ZNF383: variants seen among roughly 807,000 people sequenced by gnomAD.
ZNF383 encodes zinc finger protein 383.
Under a neutral mutation model 44.2 loss-of-function variants are expected in ZNF383, and 32 were observed. The observed-to-expected ratio is 0.72, with a 90% CI of 0.55 to 0.97. The LOEUF (loss-of-function observed/expected upper bound fraction) is 0.97, where lower values mean the gene tolerates loss of function less well. Ranked by LOEUF, ZNF383 falls within the 50% of genes least tolerant of loss-of-function variation. The pLI, the probability that ZNF383 is intolerant of heterozygous loss-of-function variation, is 0.00. For synonymous variants in ZNF383, 155 were observed against 186.2 expected, an observed-to-expected ratio of 0.83 and a Z score of 1.36; for missense variants, 487 against 562.5, an observed-to-expected ratio of 0.87 and a Z score of 1.36.
chr19:37,235,668 T>G lies in ZNF383; in HGVS notation c.129T>G (p.Val43=). The change falls in exon 4 of 6, where the codon GTT becomes GTG. Residue 43 remains valine, a synonymous_variant. Coordinates refer to ENST00000684119, the MANE Select transcript of ZNF383 (RefSeq NM_001387601.1). ...TGTTGGAGAACTACGGCAATCTGGT[T>G]TCAATGGGTAAGGGCATCTGTACCA... ...DVMLENYGNL[V]SMGLYTPKPQ... is the part of the protein sequence containing the mutation. The G allele has an allele frequency of 2.5e-6, 4 of 1,609,484 alleles. No individual in the cohort carries two copies. Among genetic ancestry groups the G allele is most frequent in the Non-Finnish European group, 3.4e-6 (4 of 1,177,758 alleles).
At chr19:37,234,556 AT>A (rs1174611396) in intron 3 of ZNF383, among the ~76,000 whole-genome samples, 2 of 151,716 alleles carry the variant, frequency 1.3e-5, no homozygotes, top group Admixed American at 6.6e-5. Flanking sequence ...CGCCTGGCTA[AT>A]TTTTTTGTAT....
At chr19:37,232,625 T>C (rs374093931) in intron 3 of ZNF383, among the ~76,000 whole-genome samples, 153 of 152,366 alleles carry the variant, frequency 1.0e-3, no homozygotes, top group African/African-American at 3.3e-3. Flanking sequence ...CTTTTAATTC[T>C]GTCATTCTTC....
In ZNF383 at chr19:37,233,303, T is replaced by G. The variant is rs185678424; in HGVS notation, c.10-2246T>G. Among the ~76,000 whole-genome samples the G allele has an allele frequency of 3.3e-4, 49 of 149,520 alleles. No individual in the cohort carries two copies. In the East Asian group the frequency reaches 8.2e-3, roughly 25 times the overall value. ...GTGCCACCACGCCCAGCTAATTTTT[T>G]TGTATTTTTAGTAGAGACAGGGTTT... On this transcript the variant is annotated intron_variant, in intron 3 of 5. Coordinates refer to ENST00000684119, the MANE Select transcript of ZNF383 (RefSeq NM_001387601.1).
In ZNF383 at chr19:37,235,993, A is replaced by C; in HGVS notation, c.151A>C (p.Lys51Gln). 1 of 1,613,494 alleles carries C rather than the reference A, an allele frequency of 6.2e-7. No individual in the cohort carries two copies. Among genetic ancestry groups the C allele is most frequent in the Non-Finnish European group, 8.5e-7 (1 of 1,179,762 alleles). The change falls in exon 5 of 6, where the codon AAG becomes CAG. Residue 51 changes from lysine to glutamine, a missense_variant. Lys to Gln is a moderately conservative substitution (Grantham distance 53). Coordinates refer to ENST00000684119, the MANE Select transcript of ZNF383 (RefSeq NM_001387601.1). ...NLVSMGLYTP[K>Q]PQVISLLEQG... Reference sequence around the variant, plus strand: ...CTCGTGAGCAGGACTTTACACTCCTAAGCCTCAAGTGATCTCCTTATTGGA... The same window carrying C: ...CTCGTGAGCAGGACTTTACACTCCTCAGCCTCAAGTGATCTCCTTATTGGA...
intron 3 of ZNF383, among the ~76,000 whole-genome samples, chr19:37,233,400 G>GAAATTTTTC (rs2063496335): frequency 6.7e-6 from 1 of 148,684 alleles, no homozygotes; most frequent in Non-Finnish European, 1.5e-5. Flanking sequence ...CAAAGTTCTG[G>GAAATTTTTC]GATTACAGGC....
intron 3 of ZNF383, among the ~76,000 whole-genome samples, chr19:37,232,114 C>T (rs1298360666): frequency 6.7e-6 from 1 of 149,460 alleles, no homozygotes; most frequent in African/African-American, 2.5e-5. Flanking sequence ...CTCACTCTGT[C>T]GCCTAGGCTA....
chr19:37,244,999 A>G lies in ZNF383; in HGVS notation c.*1335A>G, dbSNP rs1974307444. The G allele has an allele frequency of 6.6e-6, 1 of 152,184 alleles. No homozygotes were observed. Among genetic ancestry groups the G allele is most frequent in the Admixed American group, 6.5e-5 (1 of 15,270 alleles). The allele number at this position is 152,184 out of a possible 1,614,324, so 9.4% of individuals were successfully genotyped here. ...TTGCCACTAAATTTTTGCAGCTATA[A>G]AAGCTGACCTCGGCTGGGCACAGTG... On this transcript the variant is annotated 3_prime_UTR_variant, in exon 6 of 6. Coordinates refer to ENST00000684119, the MANE Select transcript of ZNF383 (RefSeq NM_001387601.1).
chr19:37,233,517 C>G (rs1266575876), intron 3 of ZNF383, among the ~76,000 whole-genome samples: 1 of 151,858 alleles, frequency 6.6e-6, no homozygotes, highest in Non-Finnish European at 1.5e-5. Flanking sequence ...GCAACCTCCG[C>G]CTCCCAGGTT....
At position 37,242,826 on chromosome 19, in the gene ZNF383, C is replaced by A. The variant is rs748556727; in HGVS notation, c.590C>A (p.Ser197Tyr). The A allele has an allele frequency of 6.8e-6, 11 of 1,614,106 alleles. No individual in the cohort carries two copies. Among genetic ancestry groups the A allele is most frequent in the Non-Finnish European group, 1.7e-6 (2 of 1,179,992 alleles). The part of the protein sequence containing the change: ...QHQRIHIGEK[S>Y]YECKECGKFF... ...CAGAGAATTCATATTGGTGAAAAAT[C>A]TTATGAATGTAAAGAGTGTGGGAAA... The change falls in exon 6 of 6, where the codon TCT becomes TAT. Residue 197 changes from serine (S) to tyrosine (Y), a missense_variant. By Grantham distance (144) the Ser-to-Tyr change is moderately radical. Coordinates refer to ENST00000684119, the MANE Select transcript of ZNF383 (RefSeq NM_001387601.1).
rs187836772 is a variant in ZNF383, at chr19:37,235,989, T to C, written c.147T>C (p.Thr49=). The C allele has an allele frequency of 4.3e-6, 7 of 1,613,184 alleles. No homozygotes were observed. The highest frequency in any genetic ancestry group is 3.3e-5 in the South Asian group (3 of 91,000). The part of the protein sequence containing the change: ...YGNLVSMGLY[T]PKPQVISLLE... ...TTTTCTCGTGAGCAGGACTTTACACTCCTAAGCCTCAAGTGATCTCCTTAT... is the reference window on the plus strand; with the variant it reads ...TTTTCTCGTGAGCAGGACTTTACACCCCTAAGCCTCAAGTGATCTCCTTAT... Residue 49 remains threonine, a synonymous_variant, in exon 5 of 6, where the codon ACT becomes ACC. Coordinates refer to ENST00000684119, the MANE Select transcript of ZNF383 (RefSeq NM_001387601.1).
intron 3 of ZNF383, among the ~76,000 whole-genome samples, chr19:37,233,081 C>G (rs1973577688): frequency 1.3e-5 from 2 of 151,906 alleles, no homozygotes; most frequent in Admixed American, 6.6e-5. Flanking sequence ...TTACAGCATT[C>G]TACAGTTTGG....
chr19:37,235,757 A>G, intron 4 of ZNF383, 82 bp downstream of exon 4: 1 of 1,464,840 alleles, frequency 6.8e-7, no homozygotes, highest in Non-Finnish European at 9.2e-7. Context: ...GCTGCTTTTC[A>G]GGTTACTAGC....
chr19:37,231,014 T>A (rs1228546286), intron 3 of ZNF383, among the ~76,000 whole-genome samples: 1 of 152,128 alleles, frequency 6.6e-6, no homozygotes, highest in Non-Finnish European at 1.5e-5. Context: ...GAAGTCCAAT[T>A]TCAGGTTGGA....
intron 5 of ZNF383, among the ~76,000 whole-genome samples, chr19:37,241,463 A>C (rs1974079290): frequency 6.6e-6 from 1 of 152,168 alleles, no homozygotes; most frequent in Non-Finnish European, 1.5e-5. Context: ...CTCCCTGTGG[A>C]GTCAGTTTGT....
intron 3 of ZNF383, 62 bp from the exon 4 acceptor site, chr19:37,235,487 G>A: frequency 6.4e-7 from 1 of 1,568,060 alleles, no homozygotes; most frequent in Non-Finnish European, 8.8e-7. Flanking sequence ...CACAATACAA[G>A]CATCGTAGTC....
chr19:37,235,067 G>C, intron 3 of ZNF383, among the ~76,000 whole-genome samples: 1 of 152,146 alleles, frequency 6.6e-6, no homozygotes, highest in East Asian at 1.9e-4. Context: ...GAGGTCAGGA[G>C]TTCGAGACCA....
At chr19:37,225,124 T>C (rs996713514) in intron 2 of ZNF383, 185 bp downstream of exon 2, 1 of 151,556 alleles carries the variant, frequency 6.6e-6, no homozygotes, top group South Asian at 2.1e-4. Context: ...GAGATGAGTT[T>C]TGATCTTGTT....
At chr19:37,239,436 G>C (rs1327879595) in intron 5 of ZNF383, among the ~76,000 whole-genome samples, 1 of 152,122 alleles carries the variant, frequency 6.6e-6, no homozygotes, top group Non-Finnish European at 1.5e-5. Flanking sequence ...GTAGTACTAG[G>C]CTTGCCACTA....
Position 37,245,486 on chromosome 19 carries a change from T to G in ZNF383, c.*1822T>G, listed in dbSNP as rs563963410. The G allele has an allele frequency of 0.012, 1,626 of 136,402 alleles. 16 individuals are homozygous for G. Among genetic ancestry groups the G allele is most frequent in the Non-Finnish European group, 0.018 (1,195 of 66,074 alleles). The allele number at this position is 136,402 out of a possible 1,614,324, so 8.4% of individuals were successfully genotyped here. A position where few individuals can be genotyped will look rare whatever the true frequency, so the allele number is the denominator to read the frequency against. ...TAATTTTTTGTTTGTTTGTTTTTTT[T>G]TTTTTTTGAGATGGAGTTCACTCTG... On this transcript the variant is annotated 3_prime_UTR_variant, in exon 6 of 6. Transcript: ENST00000684119.
Sources: allele counts gnomAD v4.1 joint callset (sites outside exome capture counted in the v4.1 genomes callset), GRCh38; gene constraint gnomAD v4.1.1; transcripts MANE v1.5; gene names NCBI Gene and HGNC (gene_info 2026-07-23, HGNC 2026-07-21).